HECW1: variants seen among roughly 807,000 people sequenced by gnomAD.
HECW1 encodes HECT, C2 and WW domain containing E3 ubiquitin protein ligase 1, also known as E3 ubiquitin-protein ligase HECW1.
Under a neutral mutation model 182.3 loss-of-function variants are expected in HECW1, and 61 were observed. That is an observed-to-expected ratio of 0.33 (90% CI 0.27 to 0.41). The LOEUF is 0.41. HECW1 is among the 10% of genes least tolerant of loss of function. HECW1 has a pLI of 1.00. For missense variants in HECW1, 1,739 were observed against 2,108.9 expected (o/e 0.82, Z 3.44); for synonymous variants, 859 against 832.6 (o/e 1.03, Z -0.55).
chr7:43,371,013 G>A (rs953350585), intron 6 of HECW1, among the ~76,000 whole-genome samples: 3 of 150,984 alleles, frequency 2.0e-5, no homozygotes, highest in Non-Finnish European at 4.4e-5. Context: ...TCAGCCTCCC[G>A]AGTAGCTGGG....
intron 2 of HECW1, among the ~76,000 whole-genome samples, chr7:43,130,466 G>A (rs1786792139): frequency 6.6e-6 from 1 of 152,202 alleles, no homozygotes; most frequent in Non-Finnish European, 1.5e-5. Flanking sequence ...AGGCACCCAT[G>A]TGGACAGTCT....
intron 3 of HECW1, among the ~76,000 whole-genome samples, chr7:43,270,607 C>T (rs1186925721): frequency 1.3e-5 from 2 of 152,144 alleles, no homozygotes; most frequent in African/African-American, 2.4e-5. Flanking sequence ...ATGCTGTGAA[C>T]ATCAGGTGGT....
chr7:43,512,274 G>A (rs1339268272), intron 24 of HECW1, among the ~76,000 whole-genome samples: 25 of 152,212 alleles, frequency 1.6e-4, no homozygotes, highest in Admixed American at 1.6e-3. Context: ...GCAGGATTTG[G>A]CCTGCAGGAA....
At chr7:43,454,878 C>A (rs1194984302) in intron 12 of HECW1, among the ~76,000 whole-genome samples, 2 of 152,188 alleles carry the variant, frequency 1.3e-5, no homozygotes, top group African/African-American at 2.4e-5. Context: ...TTTGCAGTCA[C>A]TTTTGCTTTT....
At chr7:43,326,578 C>T (rs1218878615) in intron 5 of HECW1, among the ~76,000 whole-genome samples, 1 of 152,234 alleles carries the variant, frequency 6.6e-6, no homozygotes, top group Non-Finnish European at 1.5e-5. Context: ...GCTCAGTCAA[C>T]ACCAGACCCC....
intron 24 of HECW1, among the ~76,000 whole-genome samples, chr7:43,526,579 G>A (rs978939758): frequency 2.0e-5 from 3 of 152,180 alleles, no homozygotes. Context: ...AACATTTAAA[G>A]GGTCAATAAG....
intron 5 of HECW1, among the ~76,000 whole-genome samples, chr7:43,355,754 G>T (rs1815047908): frequency 6.6e-6 from 1 of 152,136 alleles, no homozygotes; most frequent in East Asian, 1.9e-4. Flanking sequence ...ACTTTGGGAG[G>T]CTGAGGCAGG....
At chr7:43,408,337 G>A (rs10280153) in intron 8 of HECW1, among the ~76,000 whole-genome samples, 144,937 of 152,176 alleles carry the variant, frequency 0.95, 69,066 homozygotes, top group East Asian at 0.98. Flanking sequence ...CTCCACTCCT[G>A]AAAGTGTTGC....
At chr7:43,376,277 C>T (rs1257104301) in intron 6 of HECW1, among the ~76,000 whole-genome samples, 1 of 152,032 alleles carries the variant, frequency 6.6e-6, no homozygotes, top group East Asian at 1.9e-4. Context: ...AAAAATGTCA[C>T]CGTAATAATC....
intron 2 of HECW1, among the ~76,000 whole-genome samples, chr7:43,236,896 G>GT (rs1191802357): frequency 3.3e-5 from 5 of 152,090 alleles, no homozygotes; most frequent in African/African-American, 1.2e-4. Context: ...TGGGAAGCAG[G>GT]TTTGCCTGCC....
rs1018060646 is a variant in HECW1, at chr7:43,563,058, C to T, written c.*1132C>T. Reference sequence around the variant, plus strand: ...CATGGAGTTCAAGTTCCTTTGCATTCGATTGTCCATCGGGACCACACTAGG... The same window carrying T: ...CATGGAGTTCAAGTTCCTTTGCATTTGATTGTCCATCGGGACCACACTAGG... On this transcript the variant is annotated 3_prime_UTR_variant, in exon 30 of 30. Transcript: ENST00000395891. 8.5e-5 allele frequency: 17 copies of T among 200,392 alleles called. No individual in the cohort carries two copies. Among genetic ancestry groups the T allele is most frequent in the East Asian group, 3.8e-4 (5 of 12,996 alleles). The allele number at this position is 200,392 out of a possible 1,614,324, so 12.4% of individuals were successfully genotyped here. A position where few individuals can be genotyped will look rare whatever the true frequency, so the allele number is the denominator to read the frequency against.
intron 19 of HECW1, among the ~76,000 whole-genome samples, chr7:43,493,492 G>A (rs982169581): frequency 2.6e-5 from 4 of 152,130 alleles, no homozygotes; most frequent in African/African-American, 9.7e-5. Flanking sequence ...GTACAGCACT[G>A]TATAAATTAC....
intron 2 of HECW1, among the ~76,000 whole-genome samples, chr7:43,197,599 A>G (rs762753682): frequency 6.6e-6 from 1 of 152,118 alleles, no homozygotes; most frequent in South Asian, 2.1e-4. Context: ...CTGAGCCCCT[A>G]AATCTGTATC....
chr7:43,164,387 G>T (rs150393419), intron 2 of HECW1, among the ~76,000 whole-genome samples: 9 of 149,872 alleles, frequency 6.0e-5, no homozygotes, highest in African/African-American at 2.2e-4. Context: ...TTTTGCATAA[G>T]TTGAGTTGAA....
intron 2 of HECW1, among the ~76,000 whole-genome samples, chr7:43,121,591 T>C (rs142072892): frequency 7.6e-4 from 115 of 152,258 alleles, no homozygotes; most frequent in African/African-American, 2.6e-3. Context: ...TGATATTTTA[T>C]ATATCACTAT....
chr7:43,403,223 A>G (rs975559590), intron 7 of HECW1, among the ~76,000 whole-genome samples: 1 of 152,224 alleles, frequency 6.6e-6, no homozygotes, highest in African/African-American at 2.4e-5. Context: ...CATAGGAGAT[A>G]CCCAGGGAAA....
chr7:43,308,995 C>A (rs1375133428), intron 3 of HECW1, among the ~76,000 whole-genome samples: 1 of 152,178 alleles, frequency 6.6e-6, no homozygotes, highest in East Asian at 1.9e-4. Context: ...AAAATAATTT[C>A]TATAAATTAA....
chr7:43,143,568 G>A (rs1284154296), intron 2 of HECW1, among the ~76,000 whole-genome samples: 2 of 152,144 alleles, frequency 1.3e-5, no homozygotes, highest in Non-Finnish European at 2.9e-5. Context: ...TTACAGGTGT[G>A]AGCCATGGTG....
intron 24 of HECW1, among the ~76,000 whole-genome samples, chr7:43,519,119 A>G (rs1022182552): frequency 5.3e-5 from 8 of 152,254 alleles, no homozygotes; most frequent in Non-Finnish European, 1.2e-4. Flanking sequence ...CATGAATTAC[A>G]TAACCTAGTA....
Sources: allele counts gnomAD v4.1 joint callset (sites outside exome capture counted in the v4.1 genomes callset), GRCh38; gene constraint gnomAD v4.1.1; transcripts MANE v1.5; gene names NCBI Gene and HGNC (gene_info 2026-07-23, HGNC 2026-07-21).